The following ZNF567 variants were observed in gnomAD, a reference collection of about 807,000 sequenced individuals.
ZNF567 encodes the protein zinc finger protein 567.
A neutral mutation model predicts 53.9 loss-of-function variants in ZNF567; 36 were observed. The observed-to-expected ratio is 0.67, with a 90% confidence interval of 0.51 to 0.88. The LOEUF is 0.88. Ranked by LOEUF, ZNF567 falls within the 40% of genes least tolerant of loss-of-function variation. The pLI, the probability that ZNF567 is intolerant of heterozygous loss-of-function variation, is 0.00. For missense variants in ZNF567, 619 were observed against 764.7 expected (o/e 0.81, Z 2.25); for synonymous variants, 224 against 260.4 (o/e 0.86, Z 1.35).
At position 36,720,564 on chromosome 19, in the gene ZNF567, G is replaced by A. The variant is rs763205267; in HGVS notation, c.1840G>A (p.Glu614Lys). The A allele has an allele frequency of 1.2e-6, 2 of 1,613,924 alleles. No homozygotes were observed. The highest frequency in any genetic ancestry group is 2.2e-5 in the South Asian group (2 of 90,960). The change falls in exon 6 of 6, where the codon GAG becomes AAG. Residue 614 changes from glutamate to lysine, a missense_variant. Physicochemically the swap from Glu to Lys is moderately conservative, Grantham distance 56. Coordinates refer to ENST00000682579, the MANE Select transcript of ZNF567 (RefSeq NM_001322917.1). ...LIVHQRTHTG[E>K]KPYVCNECGK... is the part of the protein sequence containing the mutation. The stretch of plus-strand genomic sequence containing the variant: ...TGTACATCAGAGAACTCACACAGGT[G>A]AGAAACCCTATGTTTGTAATGAGTG...
chr19:36,708,332 G>T lies in ZNF567; in HGVS notation c.10-4054G>T, dbSNP rs560409822. ...TTTAAATTGCTGAATGCTGGATTTT[G>T]TTATGTTACGTTAAAGAATTAAGTT... On this transcript the variant is annotated intron_variant, in intron 3 of 5. Coordinates refer to ENST00000682579, the MANE Select transcript of ZNF567 (RefSeq NM_001322917.1). Among the ~76,000 whole-genome samples the T allele has an allele frequency of 4.6e-5, 7 of 152,140 alleles. No homozygotes were observed. The East Asian group carries it at 7.7e-4, about 17-fold the overall frequency.
the ZNF567 span, among the ~76,000 whole-genome samples, chr19:36,676,697 T>C: frequency 6.6e-6 from 1 of 152,290 alleles, no homozygotes; most frequent in Middle Eastern, 3.4e-3. Flanking sequence ...GGGATGTAAC[T>C]ATAAGGATGT....
intron 2 of ZNF567, among the ~76,000 whole-genome samples, chr19:36,690,225 G>A (rs1470263273): frequency 1.3e-5 from 2 of 152,132 alleles, no homozygotes; most frequent in African/African-American, 2.4e-5. Flanking sequence ...ATTTACAGTG[G>A]TCATCAAAAA....
chr19:36,704,439 C>CAA (rs1271014993), intron 3 of ZNF567, among the ~76,000 whole-genome samples: 1 of 151,606 alleles, frequency 6.6e-6, no homozygotes, highest in Non-Finnish European at 1.5e-5. Context: ...AAACAAAAAA[C>CAA]AAAAAAAGTG....
intron 3 of ZNF567, among the ~76,000 whole-genome samples, chr19:36,703,338 G>T (rs921276376): frequency 1.0e-4 from 14 of 138,410 alleles, no homozygotes; most frequent in South Asian, 6.5e-4. Flanking sequence ...TGCCCCTACT[G>T]GGGGGGGTGC....
At chr19:36,682,604 A>G in the ZNF567 span, among the ~76,000 whole-genome samples, 1 of 144,884 alleles carries the variant, frequency 6.9e-6, no homozygotes, top group African/African-American at 2.5e-5. Flanking sequence ...TATTATTATT[A>G]TTATTATTAT....
At chr19:36,669,803 C>T in the ZNF567 span, among the ~76,000 whole-genome samples, 1 of 152,136 alleles carries the variant, frequency 6.6e-6, no homozygotes, top group African/African-American at 2.4e-5. Flanking sequence ...TTCACTGGCT[C>T]AAGTCTGGGT....
chr19:36,721,732 CTT>C (rs756276834), downstream of ZNF567, among the ~76,000 whole-genome samples: 3 of 121,672 alleles, frequency 2.5e-5, no homozygotes. Flanking sequence ...GTACCAGAGT[CTT>C]TTTTTTTTTC....
At chr19:36,699,379 G>A (rs980680480) in intron 3 of ZNF567, among the ~76,000 whole-genome samples, 8 of 152,182 alleles carry the variant, frequency 5.3e-5, no homozygotes, top group African/African-American at 1.4e-4. Flanking sequence ...TTGTTCTTTC[G>A]GCTTAGGATT....
At chr19:36,682,971 T>TTGTG (rs918205734), upstream of ZNF567, among the ~76,000 whole-genome samples, 5 of 151,462 alleles carry the variant, frequency 3.3e-5, no homozygotes, top group Admixed American at 6.6e-5. Context: ...CTCTCTCTCT[T>TTGTG]TGTGTGTGTG....
At chr19:36,697,597 G>C (rs1489275137) in intron 3 of ZNF567, among the ~76,000 whole-genome samples, 2 of 151,442 alleles carry the variant, frequency 1.3e-5, no homozygotes, top group African/African-American at 4.8e-5. Context: ...TTAGCTATAG[G>C]ATTAGGATTT....
the ZNF567 span, among the ~76,000 whole-genome samples, chr19:36,677,282 AC>A: frequency 1.3e-5 from 2 of 150,354 alleles, no homozygotes; most frequent in Admixed American, 1.3e-4. Context: ...ACATAGTGAA[AC>A]CCTGTCTCTA....
At chr19:36,710,644 TC>T (rs1295109920) in intron 3 of ZNF567, among the ~76,000 whole-genome samples, 1 of 152,166 alleles carries the variant, frequency 6.6e-6, no homozygotes, top group Non-Finnish European at 1.5e-5. Flanking sequence ...GCAGATAGGT[TC>T]TCTCTTGTGT....
chr19:36,720,671 G>T lies in ZNF567; in HGVS notation c.*3G>T. 1 of 1,517,432 alleles carries T rather than the reference G, an allele frequency of 6.6e-7. No homozygotes were observed. The highest frequency in any genetic ancestry group is 1.4e-5 in the South Asian group (1 of 72,454). 94.0% of individuals were successfully genotyped at this position (1,517,432 alleles called of 1,614,324 possible). On this transcript the variant is annotated 3_prime_UTR_variant, in exon 6 of 6. Coordinates refer to ENST00000682579, the MANE Select transcript of ZNF567 (RefSeq NM_001322917.1). ...GAGAAAACATTGAAATGCAATAAAT[G>T]ATGTGGTTTCTTATATGAATTCTTT...
chr19:36,726,986 C>CTT (rs778856897), downstream of ZNF567: 242 of 70,120 alleles, frequency 3.5e-3, 2 homozygotes, highest in African/African-American at 0.012. Flanking sequence ...CTTTCTTTTT[C>CTT]TTTCTTTCTT....
chr19:36,706,480 G>A (rs896350302), intron 3 of ZNF567, among the ~76,000 whole-genome samples: 1 of 151,924 alleles, frequency 6.6e-6, no homozygotes, highest in African/African-American at 2.4e-5. Flanking sequence ...TTTTTATAGA[G>A]ACACAATTTC....
intron 3 of ZNF567, among the ~76,000 whole-genome samples, chr19:36,700,213 GCTGGATTAC>G (rs935329516): frequency 2.0e-5 from 3 of 148,224 alleles, no homozygotes; most frequent in Non-Finnish European, 3.0e-5. Context: ...CTGTTTATAT[GCTGGATTAC>G]ATTTATTGGT....
chr19:36,677,964 CT>C, the ZNF567 span, among the ~76,000 whole-genome samples: 1 of 152,100 alleles, frequency 6.6e-6, no homozygotes, highest in African/African-American at 2.4e-5. Flanking sequence ...GTGACTTTAT[CT>C]TCCTCTGTCT....
Position 36,720,714 on chromosome 19 carries a change from T to G in ZNF567, c.*46T>G, listed in dbSNP as rs762086545. The G allele has an allele frequency of 6.8e-7, 1 of 1,462,326 alleles. No homozygotes were observed. Among genetic ancestry groups the G allele is most frequent in the South Asian group, 1.6e-5 (1 of 63,888 alleles). The allele number at this position is 1,462,326 out of a possible 1,614,324, so 90.6% of individuals were successfully genotyped here. ...AATTCTTTACAAGCTGTTGTAAACATTTAGTTTTAAAAAGAAAAGCATGCT... is the reference window on the plus strand; with the variant it reads ...AATTCTTTACAAGCTGTTGTAAACAGTTAGTTTTAAAAAGAAAAGCATGCT... On this transcript the variant is annotated 3_prime_UTR_variant, in exon 6 of 6. Transcript: ENST00000682579.
Sources: allele counts gnomAD v4.1 joint callset (sites outside exome capture counted in the v4.1 genomes callset), GRCh38; gene constraint gnomAD v4.1.1; transcripts MANE v1.5; gene names NCBI Gene and HGNC (gene_info 2026-07-23, HGNC 2026-07-21).